The following ATP6V1B1 variants were observed in gnomAD, a reference collection of about 807,000 sequenced individuals.
ATP6V1B1 encodes V-type proton ATPase subunit B, kidney isoform.
A neutral mutation model predicts 62.1 loss-of-function variants in ATP6V1B1; 41 were observed. The observed-to-expected ratio is 0.66, with a 90% CI of 0.51 to 0.86. ATP6V1B1 has a LOEUF of 0.86. Ranked by LOEUF, ATP6V1B1 falls within the 40% of genes least tolerant of loss-of-function variation. The probability of loss-of-function intolerance (pLI) is 0.00; values close to 1 mark genes in which losing one functional copy is unlikely to be tolerated. For synonymous variants in ATP6V1B1, 253 were observed against 273.4 expected (o/e 0.93, Z 0.74); for missense variants, 651 against 697.5 (o/e 0.93, Z 0.75).
chr2:70,957,354 C>T (rs991017800), intron 2 of ATP6V1B1, among the ~76,000 whole-genome samples: 1 of 152,000 alleles, frequency 6.6e-6, no homozygotes, highest in African/African-American at 2.4e-5. Context: ...CCCACCTCGG[C>T]CTCCCAAATT....
chr2:70,944,869 G>A (rs1167393113), intron 2 of ATP6V1B1, among the ~76,000 whole-genome samples: 3 of 152,062 alleles, frequency 2.0e-5, no homozygotes, highest in Non-Finnish European at 4.4e-5. Flanking sequence ...GGGTTTCCCC[G>A]TGTTAGCCAG....
Position 70,965,159 on chromosome 2 carries a change from C to A in ATP6V1B1, c.*38C>A. ...TGGCACCCCAACACCGGCAGGGAACCTACCCTCGGCTCCCGGGTCTCCCCT... is the reference window on the plus strand; with the variant it reads ...TGGCACCCCAACACCGGCAGGGAACATACCCTCGGCTCCCGGGTCTCCCCT... On this transcript the variant is annotated 3_prime_UTR_variant, in exon 14 of 14. Coordinates refer to ENST00000234396, the MANE Select transcript of ATP6V1B1 (RefSeq NM_001692.4). The A allele has an allele frequency of 6.3e-7, 1 of 1,598,524 alleles. No individual in the cohort carries two copies. The highest frequency in any genetic ancestry group is 8.5e-7 in the Non-Finnish European group (1 of 1,178,506).
In ATP6V1B1 at chr2:70,963,235, T is replaced by A. The variant is rs1417681674; in HGVS notation, c.983T>A (p.Ile328Asn). ...PGYMYTDLAT[I>N]YERAGRVEGR... ...TATATGTACACAGACCTGGCCACCATCTACGAGCGGGCGGGCCGCGTGGAG... is the reference window on the plus strand; with the variant it reads ...TATATGTACACAGACCTGGCCACCAACTACGAGCGGGCGGGCCGCGTGGAG... The change falls in exon 10 of 14, where the codon ATC becomes AAC. Residue 328 changes from isoleucine to asparagine, a missense_variant. Coordinates refer to ENST00000234396, the MANE Select transcript of ATP6V1B1 (RefSeq NM_001692.4). The surrounding 1 kb of genome is among the most constrained non-coding windows in gnomAD (Gnocchi z 4.3). 6.2e-7 allele frequency: 1 copy of A among 1,614,022 alleles called. No homozygotes were observed. The highest frequency in any genetic ancestry group is 1.3e-5 in the African/African-American group (1 of 75,024).
In ATP6V1B1 at chr2:70,954,446, T is replaced by C. The variant is rs563642898; in HGVS notation, c.175-3600T>C. ...GGTCAGAGAATATGGCACAGCTTTA[T>C]ATCTTTCATAGGTAATGGCACAAAA... On this transcript the variant is annotated intron_variant, in intron 2 of 13. Transcript: ENST00000234396. 1.2e-3 allele frequency among the ~76,000 whole-genome samples: 184 copies of C among 152,364 alleles called. 1 individual carries two copies. Among genetic ancestry groups the C allele is most frequent in the African/African-American group, 4.4e-3 (181 of 41,592 alleles).
chr2:70,938,449 G>A (rs1679910970), intron 1 of ATP6V1B1: 1 of 648,600 alleles, frequency 1.5e-6, no homozygotes, highest in Non-Finnish European at 1.9e-6. Flanking sequence ...GAGAAAAGCT[G>A]GGGGTGCCTA....
intron 1 of ATP6V1B1, chr2:70,940,355 T>C: frequency 7.9e-6 from 5 of 631,920 alleles, no homozygotes; most frequent in Non-Finnish European, 7.8e-6. Flanking sequence ...CACCTCCCTA[T>C]CCAGCCCACC....
intron 1 of ATP6V1B1, chr2:70,940,348 CTCCCT>C: frequency 3.2e-6 from 3 of 943,760 alleles, no homozygotes; most frequent in Non-Finnish European, 3.8e-6. Context: ...ACACCCCCAC[CTCCCT>C]ATCCAGCCCA....
intron 3 of ATP6V1B1, 64 bp downstream of exon 3, chr2:70,958,208 C>A (rs1382619383): frequency 1.3e-6 from 2 of 1,593,322 alleles, no homozygotes; most frequent in African/African-American, 2.7e-5. Context: ...AGTTCCCACA[C>A]TATCTACAAA....
Position 70,961,021 on chromosome 2 carries a change from G to T in ATP6V1B1, c.686G>T (p.Gly229Val). Residue 229 changes from glycine (G) to valine (V), a missense_variant and splice_region_variant, in exon 7 of 14, where the codon GGG becomes GTG. By Grantham distance (109) the Gly-to-Val change is moderately radical (BLOSUM62 -3). Coordinates refer to ENST00000234396, the MANE Select transcript of ATP6V1B1 (RefSeq NM_001692.4). ...TTCGCCATCGTCTTTGCAGCCATGG[G>T]GGTGAGGAGACTTAGTAGACTGGCA... The part of the protein sequence containing the change: ...DNFAIVFAAM[G>V]VNMETARFFK... The T allele has an allele frequency of 6.3e-7, 1 of 1,579,392 alleles. No individual in the cohort carries two copies. The highest frequency in any genetic ancestry group is 2.3e-5 in the East Asian group (1 of 42,916).
At chr2:70,944,668 C>CTTTT (rs36039112) in intron 2 of ATP6V1B1, among the ~76,000 whole-genome samples, 3 of 129,364 alleles carry the variant, frequency 2.3e-5, no homozygotes, top group South Asian at 2.6e-4. Context: ...CAGGTCTTTT[C>CTTTT]TTTTTTTTTT....
Position 70,965,015 on chromosome 2 carries a change from G to GC in ATP6V1B1, c.1437dup (p.Ile480HisfsTer31). ...CTGGACCTGGGCTGGAAGCTGCTGC[G>GC]CATCTTCCCCAAGGAGATGCTGAAG... On this transcript the variant is annotated frameshift_variant, in exon 14 of 14. Coordinates refer to ENST00000234396, the MANE Select transcript of ATP6V1B1 (RefSeq NM_001692.4). LOFTEE classifies it high-confidence loss of function. The GC allele has an allele frequency of 6.2e-7, 1 of 1,613,788 alleles. No homozygotes were observed. Among genetic ancestry groups the GC allele is most frequent in the Non-Finnish European group, 8.5e-7 (1 of 1,180,032 alleles).
rs782112331 is a variant in ATP6V1B1, at chr2:70,963,664, T to C, written c.1143+10T>C. 7.4e-6 allele frequency: 12 copies of C among 1,611,934 alleles called. No individual in the cohort carries two copies. Among genetic ancestry groups the C allele is most frequent in the Middle Eastern group, 1.7e-4 (1 of 6,058 alleles). On this transcript the variant is annotated intron_variant, in intron 11 of 13. Coordinates refer to ENST00000234396, the MANE Select transcript of ATP6V1B1 (RefSeq NM_001692.4). The surrounding 1 kb of genome is among the most constrained non-coding windows in gnomAD (Gnocchi z 4.3). ...GCTTCACAACAGACAGGTACTGCCC[T>C]GTCCCTACCCACTTCCTGCTCTCAG...
chr2:70,941,493 G>T (rs963207971), intron 1 of ATP6V1B1: 1 of 975,212 alleles, frequency 1.0e-6, no homozygotes, highest in Non-Finnish European at 1.2e-6. Context: ...CTTCCCATAA[G>T]ATGCTTCCTC....
At chr2:70,954,380 C>T (rs59897328) in intron 2 of ATP6V1B1, among the ~76,000 whole-genome samples, 9,403 of 152,178 alleles carry the variant, frequency 0.062, 867 homozygotes, top group African/African-American at 0.2. Flanking sequence ...TATTTCTAAC[C>T]ATTTTTTTGC....
intron 2 of ATP6V1B1, among the ~76,000 whole-genome samples, chr2:70,954,746 G>A (rs1553418768): frequency 6.6e-6 from 1 of 152,104 alleles, no homozygotes; most frequent in Non-Finnish European, 1.5e-5. Flanking sequence ...GCCTCCCAAA[G>A]TGCTGGGATT....
chr2:70,948,041 G>A (rs1022426489), intron 2 of ATP6V1B1, among the ~76,000 whole-genome samples: 5 of 152,080 alleles, frequency 3.3e-5, no homozygotes, highest in African/African-American at 7.2e-5. Context: ...CTTCCTAAAG[G>A]TTCCAGACAC....
chr2:70,941,448 C>A, intron 1 of ATP6V1B1: 1 of 985,156 alleles, frequency 1.0e-6, no homozygotes, highest in Non-Finnish European at 1.2e-6. Flanking sequence ...TGGGGGCTGG[C>A]ACCCCTTGAC....
intron 2 of ATP6V1B1, among the ~76,000 whole-genome samples, chr2:70,953,287 A>T (rs1680362491): frequency 6.6e-6 from 1 of 152,198 alleles, no homozygotes; most frequent in Non-Finnish European, 1.5e-5. Context: ...TTTTGAGGAT[A>T]TTCTTTTTGG....
At chr2:70,962,991 G>C in intron 9 of ATP6V1B1, 91 bp downstream of exon 9, 1 of 1,605,272 alleles carries the variant, frequency 6.2e-7, no homozygotes, top group South Asian at 1.1e-5. Context: ...GAGGGGAGCT[G>C]GTCCACCCAA....
Sources: gnomAD v4.1 joint callset for allele counts (sites outside exome capture counted in the v4.1 genomes callset) on GRCh38, gnomAD v4.1.1 for gene constraint, Gnocchi (gnomAD v3.1) non-coding constraint, MANE v1.5 for transcripts, NCBI Gene and HGNC (gene_info 2026-07-23, HGNC 2026-07-21) for gene names.